SLC2A13: variants seen among roughly 807,000 people sequenced by gnomAD.
SLC2A13 encodes solute carrier family 2 member 13.
Under a neutral mutation model 64.4 loss-of-function variants are expected in SLC2A13, and 32 were observed. The observed-to-expected ratio is 0.50, with a 90% confidence interval of 0.37 to 0.67. The LOEUF is 0.67. Among genes scored for constraint, SLC2A13 ranks in the 30% least tolerant of loss-of-function variants. The pLI is 0.00. For missense variants in SLC2A13, 743 were observed against 829.2 expected (o/e 0.90, Z 1.28); for synonymous variants, 338 against 327.1 (o/e 1.03, Z -0.36).
intron 3 of SLC2A13, among the ~76,000 whole-genome samples, chr12:39,996,057 C>T (rs1370899916): frequency 1.3e-5 from 2 of 152,214 alleles, no homozygotes; most frequent in African/African-American, 2.4e-5. Flanking sequence ...CCAGTTGGAA[C>T]TCTCTAGAGA....
chr12:39,973,154 T>C (rs1946695605), intron 3 of SLC2A13, among the ~76,000 whole-genome samples: 1 of 152,188 alleles, frequency 6.6e-6, no homozygotes, highest in Non-Finnish European at 1.5e-5. Flanking sequence ...AAGCAGGCTT[T>C]CCTCTCCACA....
At chr12:39,772,198 G>A (rs1387197046) in intron 7 of SLC2A13, among the ~76,000 whole-genome samples, 1 of 152,156 alleles carries the variant, frequency 6.6e-6, no homozygotes, top group Non-Finnish European at 1.5e-5. Flanking sequence ...CAAGAGCACA[G>A]GGTCTAATGT....
intron 4 of SLC2A13, among the ~76,000 whole-genome samples, chr12:39,925,066 C>A (rs983635117): frequency 8.0e-5 from 11 of 137,818 alleles, no homozygotes; most frequent in Admixed American, 7.9e-4. Context: ...GGAAGAGTCT[C>A]ACTCTGCCAC....
At chr12:40,101,964 G>T (rs182605957) in intron 1 of SLC2A13, among the ~76,000 whole-genome samples, 3 of 151,830 alleles carry the variant, frequency 2.0e-5, no homozygotes, top group African/African-American at 7.3e-5. Context: ...ACCAGGTCTC[G>T]AACATACTAA....
intron 7 of SLC2A13, chr12:39,829,861 C>G: frequency 2.0e-6 from 1 of 498,576 alleles, no homozygotes; most frequent in Non-Finnish European, 3.6e-6. Context: ...AAGATCCAAA[C>G]TCCTATACCT....
chr12:40,080,656 G>A (rs1308128368), intron 1 of SLC2A13, among the ~76,000 whole-genome samples: 1 of 152,094 alleles, frequency 6.6e-6, no homozygotes, highest in African/African-American at 2.4e-5. Flanking sequence ...TCTCCCAAAG[G>A]GTTGGGATTA....
chr12:40,105,123 C>A lies in SLC2A13; in HGVS notation c.556+130G>T, dbSNP rs1939263414. ...CAACAAACAGATGGGCTCTGGAGGCCAGAGAAGTGGAGGATTCTCTGACCC... is the reference window on the plus strand; with the variant it reads ...CAACAAACAGATGGGCTCTGGAGGCAAGAGAAGTGGAGGATTCTCTGACCC... On this transcript the variant is annotated intron_variant, in intron 1 of 9. Transcript: ENST00000280871. The surrounding 1 kb of genome is among the most constrained non-coding windows in gnomAD (Gnocchi z 4.2). The A allele has an allele frequency of 7.1e-7, 1 of 1,403,264 alleles. No homozygotes were observed. The highest frequency in any genetic ancestry group is 9.2e-7 in the Non-Finnish European group (1 of 1,085,618). The allele number at this position is 1,403,264 out of a possible 1,614,324, so 86.9% of individuals were successfully genotyped here.
In SLC2A13 at chr12:40,035,975, GA is replaced by G. The variant is rs112492579; in HGVS notation, c.717-7467del. On this transcript the variant is annotated intron_variant, in intron 2 of 9. Coordinates refer to ENST00000280871, the MANE Select transcript of SLC2A13 (RefSeq NM_052885.4). The stretch of plus-strand genomic sequence containing the variant: ...GCACAAAATTCACAGTACTGTTGCT[GA>G]AAATAATGTACACACTTCTTAAATA... Among the ~76,000 whole-genome samples, 8 of 152,296 alleles carry G rather than the reference GA, an allele frequency of 5.3e-5. 1 individual carries two copies. Among genetic ancestry groups the G allele is most frequent in the African/African-American group, 1.9e-4 (8 of 41,578 alleles).
intron 4 of SLC2A13, among the ~76,000 whole-genome samples, chr12:39,886,590 G>T (rs1469549196): frequency 6.6e-6 from 1 of 151,844 alleles, no homozygotes; most frequent in African/African-American, 2.4e-5. Flanking sequence ...GAATTAGGGA[G>T]ATATTTCTGA....
At chr12:40,069,352 C>A (rs547855837) in intron 1 of SLC2A13, among the ~76,000 whole-genome samples, 1 of 151,942 alleles carries the variant, frequency 6.6e-6, no homozygotes, top group Admixed American at 6.5e-5. Flanking sequence ...CCAAACAATC[C>A]TTTTAGTGGT....
chr12:39,945,639 T>C (rs924630318), intron 4 of SLC2A13, among the ~76,000 whole-genome samples: 3 of 152,200 alleles, frequency 2.0e-5, no homozygotes, highest in Non-Finnish European at 4.4e-5. Flanking sequence ...TGTTCAATTC[T>C]GTTTCTGACA....
chr12:39,844,925 A>T (rs1943267860), intron 6 of SLC2A13, among the ~76,000 whole-genome samples: 1 of 152,076 alleles, frequency 6.6e-6, no homozygotes, highest in African/African-American at 2.4e-5. Flanking sequence ...AGATCAATTG[A>T]ATTTAAGAGA....
At chr12:39,904,318 T>C (rs749569634) in intron 4 of SLC2A13, among the ~76,000 whole-genome samples, 11 of 152,092 alleles carry the variant, frequency 7.2e-5, no homozygotes, top group Admixed American at 5.2e-4. Context: ...AGAAACCACA[T>C]TGTAGTTTAG....
At chr12:39,920,553 T>C (rs187278056) in intron 4 of SLC2A13, among the ~76,000 whole-genome samples, 19 of 152,198 alleles carry the variant, frequency 1.2e-4, no homozygotes, top group Non-Finnish European at 2.6e-4. Flanking sequence ...CTTTCCTTCA[T>C]GTAGCAAAGC....
At chr12:39,896,017 T>C (rs940796864) in intron 4 of SLC2A13, among the ~76,000 whole-genome samples, 1 of 144,976 alleles carries the variant, frequency 6.9e-6, no homozygotes, top group African/African-American at 2.6e-5. Context: ...CATGTGTATA[T>C]GTATACATAC....
At chr12:39,779,496 C>T (rs1375668592) in intron 7 of SLC2A13, among the ~76,000 whole-genome samples, 2 of 152,148 alleles carry the variant, frequency 1.3e-5, no homozygotes, top group Non-Finnish European at 2.9e-5. Flanking sequence ...CTTCCCCAGG[C>T]GTCATAGGCC....
At position 40,105,335 on chromosome 12, in the gene SLC2A13, G is replaced by A; in HGVS notation, c.474C>T (p.Phe158=). ...RAAILLASAL[F]TAGSAVLAAA... ...CAGCCAGCACCGCGGAGCCGGCGGTGAAGAGGGCACTGGCCAGGAGGATGG... is the reference window on the plus strand; with the variant it reads ...CAGCCAGCACCGCGGAGCCGGCGGTAAAGAGGGCACTGGCCAGGAGGATGG... Residue 158 remains phenylalanine (F), a synonymous_variant, in exon 1 of 10, where the codon TTC becomes TTT. Transcript: ENST00000280871. This position sits in a 1 kb window ranked among gnomAD's most constrained non-coding sequence, Gnocchi z 4.2. 2 of 1,597,022 alleles carry A rather than the reference G, an allele frequency of 1.3e-6. No homozygotes were observed. The highest frequency in any genetic ancestry group is 1.7e-6 in the Non-Finnish European group (2 of 1,173,318).
chr12:39,784,724 C>T (rs906279679), intron 7 of SLC2A13, among the ~76,000 whole-genome samples: 8 of 152,062 alleles, frequency 5.3e-5, no homozygotes, highest in Admixed American at 3.9e-4. Flanking sequence ...AACTGACAAA[C>T]GGGATCTAAT....
intron 1 of SLC2A13, among the ~76,000 whole-genome samples, chr12:40,086,100 G>C (rs1412325553): frequency 2.0e-5 from 3 of 152,168 alleles, no homozygotes; most frequent in Non-Finnish European, 4.4e-5. Flanking sequence ...GCCTCCCAAA[G>C]TGCTGGGATT....
Sources: allele counts gnomAD v4.1 joint callset (sites outside exome capture counted in the v4.1 genomes callset), GRCh38; gene constraint gnomAD v4.1.1; non-coding constraint Gnocchi (gnomAD v3.1); transcripts MANE v1.5; gene names NCBI Gene and HGNC (gene_info 2026-07-23, HGNC 2026-07-21).